CEP76: variants seen among roughly 807,000 people sequenced by gnomAD.
CEP76 encodes the protein centrosomal protein 76, also known as centrosomal protein of 76 kDa.
Under a neutral mutation model 83.3 loss-of-function variants are expected in CEP76, and 55 were observed. That is an observed-to-expected ratio of 0.66 (90% CI 0.53 to 0.83). The LOEUF is 0.83. CEP76 is among the 40% of genes least tolerant of loss of function. The pLI is 0.00. For missense variants in CEP76, 694 were observed against 799.5 expected, an observed-to-expected ratio of 0.87 and a Z score of 1.59; for synonymous variants, 270 against 274.5, an observed-to-expected ratio of 0.98 and a Z score of 0.16.
chr18:12,702,342 A>C, intron 1 of CEP76, 144 bp downstream of exon 1: 5 of 628,546 alleles, frequency 8.0e-6, no homozygotes, highest in Non-Finnish European at 2.8e-6. Context: ...TCAAACTCAA[A>C]GCTCTGCCTA....
At position 12,686,247 on chromosome 18, in the gene CEP76, A is replaced by G. The variant is rs79772614; in HGVS notation, c.1122+15T>C. On this transcript the variant is annotated intron_variant, in intron 8 of 11. Transcript: ENST00000262127. ...TGATATACTGCTACTTAATTCTATT[A>G]TGTGTGTATAATACCTTGTTTCTAC... 7,753 of 1,590,750 alleles carry G rather than the reference A, an allele frequency of 4.9e-3. 363 individuals are homozygous for G. The African/African-American group carries it at 0.093, about 19-fold the overall frequency.
intron 9 of CEP76, 53 bp downstream of exon 9, chr18:12,680,609 A>C (rs1393359212): frequency 1.5e-5 from 21 of 1,391,358 alleles, no homozygotes; most frequent in East Asian, 7.5e-5. Context: ...AAAAAAAAAA[A>C]AAAAAAAACT....
intron 8 of CEP76, chr18:12,684,655 A>AT (rs1395970976): frequency 1.3e-5 from 2 of 150,710 alleles, no homozygotes; most frequent in Non-Finnish European, 3.0e-5. Context: ...TAATTTTTGT[A>AT]TTTTTTCAGT....
intron 12 of CEP76, chr18:12,665,019 C>T (rs1026269610): frequency 1.3e-5 from 2 of 152,066 alleles, no homozygotes; most frequent in African/African-American, 4.8e-5. Context: ...AAAAGATGGC[C>T]CTTTCCTGTT....
downstream of CEP76, among the ~76,000 whole-genome samples, chr18:12,669,123 CTT>C (rs113784090): frequency 1.5e-4 from 18 of 118,934 alleles, no homozygotes; most frequent in East Asian, 3.9e-3. Flanking sequence ...ACGGCAACCT[CTT>C]TTTTTTTGAG....
intron 12 of CEP76, among the ~76,000 whole-genome samples, chr18:12,665,895 C>T (rs2038792120): frequency 6.6e-6 from 1 of 152,174 alleles, no homozygotes; most frequent in South Asian, 2.1e-4. Context: ...CAGGGTTTCA[C>T]CATGTTGGCC....
At position 12,690,238 on chromosome 18, in the gene CEP76, C is replaced by A. The variant is rs142545083; in HGVS notation, c.933+1121G>T. On this transcript the variant is annotated intron_variant, in intron 7 of 11. Coordinates refer to ENST00000262127, the MANE Select transcript of CEP76 (RefSeq NM_024899.4). Reference sequence around the variant, plus strand: ...CCCACCTCTAGTCAACCTCTCATTCCCAAGCTCCCCATCTGGACACTAAAC... The same window carrying A: ...CCCACCTCTAGTCAACCTCTCATTCACAAGCTCCCCATCTGGACACTAAAC... Among the ~76,000 whole-genome samples, 29 of 152,282 alleles carry A rather than the reference C, an allele frequency of 1.9e-4. No homozygotes were observed. The East Asian group carries it at 5.0e-3, about 26-fold the overall frequency.
At chr18:12,676,722 A>G (rs2039148579) in intron 10 of CEP76, among the ~76,000 whole-genome samples, 1 of 152,244 alleles carries the variant, frequency 6.6e-6, no homozygotes, top group Non-Finnish European at 1.5e-5. Flanking sequence ...CCCCTGACCA[A>G]CTTTTGCTGA....
rs2040194135 is a variant in CEP76 at position 12,702,483 on chromosome 18, C to G, written c.63+3G>C. On this transcript the variant is annotated splice_donor_region_variant and intron_variant, in intron 1 of 11. Coordinates refer to ENST00000262127, the MANE Select transcript of CEP76 (RefSeq NM_024899.4). Reference sequence around the variant, plus strand: ...GGTCTCTCCCAGCACCCGCGACTCTCACCTTGCTCAGCTGCTGGTGGATGA... The same window carrying G: ...GGTCTCTCCCAGCACCCGCGACTCTGACCTTGCTCAGCTGCTGGTGGATGA... 6.2e-7 allele frequency: 1 copy of G among 1,606,724 alleles called. No homozygotes were observed. Among genetic ancestry groups the G allele is most frequent in the African/African-American group, 1.3e-5 (1 of 74,338 alleles).
downstream of CEP76, among the ~76,000 whole-genome samples, chr18:12,668,061 T>C (rs1290016327): frequency 2.0e-5 from 3 of 152,000 alleles, no homozygotes; most frequent in Non-Finnish European, 4.4e-5. Flanking sequence ...GGTCAGGAGT[T>C]TGAAACCAGC....
At chr18:12,698,629 A>G (rs962886431) in intron 4 of CEP76, among the ~76,000 whole-genome samples, 2 of 152,138 alleles carry the variant, frequency 1.3e-5, no homozygotes, top group Non-Finnish European at 2.9e-5. Flanking sequence ...GTTACATAAC[A>G]TCATCAATCT....
rs1482201584 is a variant in CEP76, at chr18:12,674,604, G to T, written c.1773C>A (p.His591Gln). The T allele has an allele frequency of 2.2e-5, 35 of 1,613,932 alleles. No individual in the cohort carries two copies. The highest frequency in any genetic ancestry group is 2.8e-5 in the Non-Finnish European group (33 of 1,180,014). The change falls in exon 11 of 12, where the codon CAC becomes CAA. Residue 591 changes from histidine (H) to glutamine (Q), a missense_variant. Physicochemically the swap from His to Gln is conservative, Grantham distance 24 (BLOSUM62 0). Coordinates refer to ENST00000262127, the MANE Select transcript of CEP76 (RefSeq NM_024899.4). ...AATGTATTGGGAACCCTTTAAATGTGTGACCATCAGGTACAGCCCTTCTTA... is the reference window on the plus strand; with the variant it reads ...AATGTATTGGGAACCCTTTAAATGTTTGACCATCAGGTACAGCCCTTCTTA... ...DAIRRAVPDGHTFKGFPIHFV... is the reference protein window; with the variant it reads ...DAIRRAVPDGQTFKGFPIHFV...
chr18:12,682,651 C>G (rs553920813), intron 8 of CEP76, among the ~76,000 whole-genome samples: 2 of 151,336 alleles, frequency 1.3e-5, no homozygotes, highest in African/African-American at 4.8e-5. Context: ...TTTTTTGAGA[C>G]AGAGTCTCGC....
downstream of CEP76, chr18:12,671,212 G>A (rs183298956): frequency 1.1e-4 from 17 of 152,226 alleles, no homozygotes; most frequent in African/African-American, 3.9e-4. Context: ...CAAAAGTGCT[G>A]GGATTATAGG....
Position 12,699,141 on chromosome 18 carries a change from C to G in CEP76, c.358G>C (p.Glu120Gln). The G allele has an allele frequency of 6.2e-7, 1 of 1,613,976 alleles. No individual in the cohort carries two copies. The highest frequency in any genetic ancestry group is 8.5e-7 in the Non-Finnish European group (1 of 1,179,962). The change falls in exon 4 of 12, where the codon GAA (glutamate) becomes CAA (glutamine). Residue 120 changes from glutamate to glutamine, a missense_variant. Physicochemically the swap from Glu to Gln is conservative, Grantham distance 29. Coordinates refer to ENST00000262127, the MANE Select transcript of CEP76 (RefSeq NM_024899.4). ...LQVLGGKAFL[E>Q]HLQEPEPLPG... is the part of the protein sequence containing the mutation. ...AAAGGCTCAGGTTCTTGCAGATGTT[C>G]CAAGAAAGCTTTTCCACCCAAAACC...
chr18:12,684,001 TATATCATATATATG>T (rs1283344824), intron 8 of CEP76, among the ~76,000 whole-genome samples: 3 of 150,150 alleles, frequency 2.0e-5, no homozygotes, highest in Non-Finnish European at 4.4e-5. Flanking sequence ...ATATATGATA[TATATCATATATATG>T]ATATCATATA....
In CEP76 at chr18:12,694,997, G is replaced by A. The variant is rs538525770; in HGVS notation, c.804+257C>T. Among the ~76,000 whole-genome samples the A allele has an allele frequency of 1.2e-3, 183 of 152,178 alleles. 2 individuals are homozygous for A. Among genetic ancestry groups the A allele is most frequent in the South Asian group, 7.9e-3 (38 of 4,820 alleles). On this transcript the variant is annotated intron_variant, in intron 6 of 11. Transcript: ENST00000262127. ...CCCAAAGTGCTGGGACTACAGGCGT[G>A]AGCCACCGGCCTATCCTGTAATTCT...
chr18:12,667,951 G>T (rs1423042044), downstream of CEP76, among the ~76,000 whole-genome samples: 1 of 148,042 alleles, frequency 6.8e-6, no homozygotes, highest in East Asian at 2.0e-4. Context: ...CACAAATCCA[G>T]CCACATCAAT....
At chr18:12,681,053 G>A (rs1396424403) in intron 8 of CEP76, among the ~76,000 whole-genome samples, 2 of 152,042 alleles carry the variant, frequency 1.3e-5, no homozygotes, top group African/African-American at 4.8e-5. Context: ...ACAAAAATTA[G>A]CCGGGTGTGG....
Sources: gnomAD v4.1 joint callset for allele counts (sites outside exome capture counted in the v4.1 genomes callset) on GRCh38, gnomAD v4.1.1 for gene constraint, MANE v1.5 for transcripts, NCBI Gene and HGNC (gene_info 2026-07-23, HGNC 2026-07-21) for gene names.